SYT2: variants seen among roughly 807,000 people sequenced by gnomAD.
SYT2 encodes the protein synaptotagmin 2, also known as synaptotagmin-2.
SYT2 carries 15 observed loss-of-function variants against 39.9 expected under a neutral mutation model. The ratio of observed to expected loss-of-function variants is 0.38; its 90% CI spans 0.25 to 0.58. The LOEUF (loss-of-function observed/expected upper bound fraction) is 0.58, where lower values mean the gene tolerates loss of function less well. Ranked by LOEUF, SYT2 falls within the 20% of genes least tolerant of loss-of-function variation. SYT2 has a pLI of 0.70. For missense variants in SYT2, 389 were observed against 530.3 expected (o/e 0.73, Z 2.62); for synonymous variants, 181 against 204.5 (o/e 0.89, Z 0.98).
At position 202,694,803 on chromosome 1, in the gene SYT2, T is replaced by C. The variant is rs112962205; in HGVS notation, c.-18+15455A>G. Among the ~76,000 whole-genome samples, 255 of 151,562 alleles carry C rather than the reference T, an allele frequency of 1.7e-3. 1 individual carries two copies. The highest frequency in any genetic ancestry group is 6.1e-3 in the East Asian group (31 of 5,120). Reference sequence around the variant, plus strand: ...CTCTCCTCTCCCTCCTCCTCCTCCTTCTCTCCCCTCCGACACTTTAATATA... The same window carrying C: ...CTCTCCTCTCCCTCCTCCTCCTCCTCCTCTCCCCTCCGACACTTTAATATA... On this transcript the variant is annotated intron_variant, in intron 1 of 8. Transcript: ENST00000367268.
intron 1 of SYT2, among the ~76,000 whole-genome samples, chr1:202,642,268 T>C (rs1691936429): frequency 1.3e-5 from 2 of 152,092 alleles, no homozygotes; most frequent in African/African-American, 4.8e-5. Flanking sequence ...AAGTGAGCAC[T>C]GAACTCACTT....
At chr1:202,620,208 C>G (rs972706971) in intron 1 of SYT2, among the ~76,000 whole-genome samples, 4 of 152,374 alleles carry the variant, frequency 2.6e-5, no homozygotes, top group African/African-American at 9.6e-5. Context: ...CCCAGGATGG[C>G]CACTTGGCCC....
intron 2 of SYT2, 62 bp from the exon 3 acceptor site, chr1:202,604,683 A>G (rs1456202811): frequency 6.5e-7 from 1 of 1,529,358 alleles, no homozygotes; most frequent in Non-Finnish European, 8.9e-7. Flanking sequence ...CTGACCCCGT[A>G]GCATTGGGAA....
At chr1:202,692,207 CCT>C (rs1653854562) in intron 1 of SYT2, among the ~76,000 whole-genome samples, 1 of 152,056 alleles carries the variant, frequency 6.6e-6, no homozygotes, top group Non-Finnish European at 1.5e-5. Flanking sequence ...TTGGCTCTCC[CCT>C]CTAACCCCTA....
At chr1:202,657,815 C>T (rs907781760) in intron 1 of SYT2, among the ~76,000 whole-genome samples, 1 of 152,060 alleles carries the variant, frequency 6.6e-6, no homozygotes, top group Non-Finnish European at 1.5e-5. Flanking sequence ...AGGGCTACAG[C>T]GGGGTCAGGG....
intron 1 of SYT2, among the ~76,000 whole-genome samples, chr1:202,634,930 G>A (rs1390787850): frequency 6.6e-6 from 1 of 152,128 alleles, no homozygotes; most frequent in Admixed American, 6.5e-5. Flanking sequence ...CTTTTCAGGG[G>A]TGAAAAAATG....
chr1:202,688,994 G>C (rs1653748902), intron 1 of SYT2, among the ~76,000 whole-genome samples: 1 of 152,184 alleles, frequency 6.6e-6, no homozygotes, highest in South Asian at 2.1e-4. Flanking sequence ...GGCTCACGGA[G>C]CAGCTCCAAC....
chr1:202,611,912 A>G (rs1222545255), intron 1 of SYT2, among the ~76,000 whole-genome samples: 1 of 151,958 alleles, frequency 6.6e-6, no homozygotes, highest in Non-Finnish European at 1.5e-5. Context: ...GTGCAGTGGC[A>G]TGATCATGGC....
chr1:202,606,291 A>G (rs1414589573), intron 1 of SYT2, among the ~76,000 whole-genome samples: 1 of 152,144 alleles, frequency 6.6e-6, no homozygotes, highest in East Asian at 1.9e-4. Flanking sequence ...TGAGGTTTGA[A>G]CTGGTCTGCC....
chr1:202,667,927 G>A (rs1692512115), intron 1 of SYT2, among the ~76,000 whole-genome samples: 1 of 152,088 alleles, frequency 6.6e-6, no homozygotes, highest in Admixed American at 6.6e-5. Flanking sequence ...TGCCCAGGCT[G>A]GTCTCGAACT....
intron 1 of SYT2, among the ~76,000 whole-genome samples, chr1:202,678,209 G>A (rs1653427646): frequency 6.8e-6 from 1 of 146,384 alleles, no homozygotes; most frequent in African/African-American, 2.5e-5. Flanking sequence ...GGAAGGCAGA[G>A]GTTGCAGTGA....
intron 1 of SYT2, among the ~76,000 whole-genome samples, chr1:202,673,980 T>C (rs1558457365): frequency 6.6e-6 from 1 of 152,164 alleles, no homozygotes; most frequent in South Asian, 2.1e-4. Context: ...CATGTGATAT[T>C]TGTGTGTAAT....
rs921019868 is a variant in SYT2 at position 202,623,244 on chromosome 1, T to C, written c.-17-17455A>G. ...GAGAGGAGCTGGAGTCCAGGCTCCCTGGAGAGGGAGTTAATACTGCAGCAC... is the reference window on the plus strand; with the variant it reads ...GAGAGGAGCTGGAGTCCAGGCTCCCCGGAGAGGGAGTTAATACTGCAGCAC... On this transcript the variant is annotated intron_variant, in intron 1 of 8. Transcript: ENST00000367268. The surrounding 1 kb of genome is among the most constrained non-coding windows in gnomAD (Gnocchi z 4.2). Among the ~76,000 whole-genome samples the C allele has an allele frequency of 5.9e-5, 9 of 152,176 alleles. No homozygotes were observed. The highest frequency in any genetic ancestry group is 1.0e-4 in the Non-Finnish European group (7 of 68,020).
At chr1:202,655,278 G>A (rs974991364) in intron 1 of SYT2, among the ~76,000 whole-genome samples, 1 of 152,178 alleles carries the variant, frequency 6.6e-6, no homozygotes, top group African/African-American at 2.4e-5. Context: ...TGCGAGCCCA[G>A]GACAGGCCTT....
Position 202,596,805 on chromosome 1 carries a change from C to A in SYT2, c.1212G>T (p.Ser404=). The part of the protein sequence containing the change: ...NPRRPIAQWH[S]LKPEEEVDAL... ...CATCCACCTCCTCCTCAGGCTTGAG[C>A]GAGTGCCACTGGGCGATGGGCCTCC... The change falls in exon 9 of 9, where the codon TCG becomes TCT. Residue 404 remains serine, a synonymous_variant. Coordinates refer to ENST00000367268, the MANE Select transcript of SYT2 (RefSeq NM_177402.5). The A allele has an allele frequency of 6.2e-7, 1 of 1,614,148 alleles. No individual in the cohort carries two copies. The highest frequency in any genetic ancestry group is 8.5e-7 in the Non-Finnish European group (1 of 1,180,006).
intron 1 of SYT2, among the ~76,000 whole-genome samples, chr1:202,619,625 G>A (rs1349184193): frequency 6.6e-6 from 1 of 152,234 alleles, no homozygotes; most frequent in African/African-American, 2.4e-5. Flanking sequence ...GATCTGCATT[G>A]TAACAACATC....
intron 1 of SYT2, among the ~76,000 whole-genome samples, chr1:202,675,100 A>G (rs1228276453): frequency 6.6e-6 from 1 of 152,184 alleles, no homozygotes; most frequent in Non-Finnish European, 1.5e-5. Context: ...AGGGCCCAGT[A>G]GTTAACTGTT....
intron 2 of SYT2, 30 bp downstream of exon 2, chr1:202,605,565 C>T: frequency 1.2e-6 from 2 of 1,603,212 alleles, no homozygotes; most frequent in South Asian, 1.1e-5. Context: ...CTAGCCTTGC[C>T]CCACCCTCTC....
chr1:202,611,883 C>T (rs1250853108), intron 1 of SYT2, among the ~76,000 whole-genome samples: 4 of 152,092 alleles, frequency 2.6e-5, no homozygotes, highest in Admixed American at 2.0e-4. Flanking sequence ...CAGGGTCTCA[C>T]TCTGTTACCC....
Sources: gnomAD v4.1 joint callset for allele counts (sites outside exome capture counted in the v4.1 genomes callset) on GRCh38, gnomAD v4.1.1 for gene constraint, Gnocchi (gnomAD v3.1) non-coding constraint, MANE v1.5 for transcripts, NCBI Gene and HGNC (gene_info 2026-07-23, HGNC 2026-07-21) for gene names.